RALYL: variants seen among roughly 807,000 people sequenced by gnomAD.
The protein encoded by RALYL is RNA-binding Raly-like protein.
In RALYL, 29 loss-of-function variants were observed where a neutral mutation model predicts 35.1. The ratio of observed to expected loss-of-function variants is 0.83; its 90% confidence interval spans 0.61 to 1.13. The LOEUF is 1.13. RALYL is among the 50% of genes most tolerant of loss of function. The pLI, the probability that RALYL is intolerant of heterozygous loss-of-function variation, is 0.00. For missense variants in RALYL, 359 were observed against 360.4 expected (o/e 1.00, Z 0.03); for synonymous variants, 120 against 127.6 (o/e 0.94, Z 0.40).
At chr8:84,290,309 C>T (rs6984895) in intron 1 of RALYL, among the ~76,000 whole-genome samples, 17,153 of 152,072 alleles carry the variant, frequency 0.11, 1,671 homozygotes, top group African/African-American at 0.26. Context: ...TTTTCATGCG[C>T]GTCTGTGTGA....
At chr8:84,877,014 CATGTATTTATATT>C (rs1433535277) in intron 7 of RALYL, among the ~76,000 whole-genome samples, 4 of 152,110 alleles carry the variant, frequency 2.6e-5, no homozygotes, top group African/African-American at 9.7e-5. Flanking sequence ...CCAGCCAGTT[CATGTATTTATATT>C]ATCTATTTGG....
intron 2 of RALYL, among the ~76,000 whole-genome samples, chr8:84,598,312 C>G (rs1385540770): frequency 2.0e-5 from 3 of 152,124 alleles, no homozygotes; most frequent in Non-Finnish European, 1.5e-5. Flanking sequence ...TGTGCACAAT[C>G]ATGCCCAGCT....
At chr8:84,865,906 A>G (rs1274598662) in intron 6 of RALYL, among the ~76,000 whole-genome samples, 1 of 152,220 alleles carries the variant, frequency 6.6e-6, no homozygotes, top group Non-Finnish European at 1.5e-5. Context: ...ATTCAATTAA[A>G]GTTAAAATTG....
chr8:84,447,762 C>T (rs2896433), intron 1 of RALYL, among the ~76,000 whole-genome samples: 53,665 of 151,822 alleles, frequency 0.35, 9,842 homozygotes, highest in South Asian at 0.53. Flanking sequence ...GACAAAGTAA[C>T]GTGGTACTTT....
intron 1 of RALYL, chr8:84,346,205 A>G (rs1849807988): frequency 3.0e-6 from 1 of 335,236 alleles, no homozygotes; most frequent in African/African-American, 2.2e-5. Flanking sequence ...TTTTAAATGT[A>G]TTTAAGCAAA....
At chr8:84,189,922 C>T (rs947632908) in intron 1 of RALYL, among the ~76,000 whole-genome samples, 1 of 152,170 alleles carries the variant, frequency 6.6e-6, no homozygotes, top group Non-Finnish European at 1.5e-5. Context: ...GTGACCATGT[C>T]ATCACACATC....
At position 84,424,581 on chromosome 8, in the gene RALYL, T is replaced by C. The variant is rs369967370; in HGVS notation, c.-23-104718T>C. Among the ~76,000 whole-genome samples, 7 of 151,484 alleles carry C rather than the reference T, an allele frequency of 4.6e-5. 1 individual carries two copies. Among genetic ancestry groups the C allele is most frequent in the South Asian group, 2.1e-4 (1 of 4,812 alleles). On this transcript the variant is annotated intron_variant, in intron 1 of 8. Transcript: ENST00000521268. ...AGTCATTCTCCATCCAGCTTTGTTC[T>C]GTTGCTGGTGAGGAACTGCGTTCCT...
intron 1 of RALYL, among the ~76,000 whole-genome samples, chr8:84,518,838 G>A (rs2058252462): frequency 6.6e-6 from 1 of 152,154 alleles, no homozygotes; most frequent in African/African-American, 2.4e-5. Context: ...GAGCTGTCAT[G>A]ATTGACAGTT....
intron 1 of RALYL, among the ~76,000 whole-genome samples, chr8:84,320,155 G>C (rs1252498270): frequency 6.6e-6 from 1 of 151,988 alleles, no homozygotes; most frequent in Non-Finnish European, 1.5e-5. Flanking sequence ...CAGAATAGTT[G>C]ATGTCAGATT....
intron 1 of RALYL, among the ~76,000 whole-genome samples, chr8:84,312,343 A>G (rs1842970746): frequency 6.6e-6 from 1 of 152,098 alleles, no homozygotes; most frequent in Non-Finnish European, 1.5e-5. Flanking sequence ...CTCCTCTCAA[A>G]TCTCATGTTC....
At chr8:84,653,132 C>T (rs994893188) in intron 2 of RALYL, among the ~76,000 whole-genome samples, 1 of 151,990 alleles carries the variant, frequency 6.6e-6, no homozygotes, top group African/African-American at 2.4e-5. Context: ...GAAATTTATG[C>T]ATGCTGTACA....
intron 2 of RALYL, among the ~76,000 whole-genome samples, chr8:84,656,394 A>C (rs1829963565): frequency 6.6e-6 from 1 of 152,152 alleles, no homozygotes; most frequent in African/African-American, 2.4e-5. Context: ...GACCAGACTC[A>C]CTTAAATTAA....
chr8:84,679,200 A>T (rs1188154239), intron 2 of RALYL: 1 of 195,430 alleles, frequency 5.1e-6, no homozygotes, highest in Non-Finnish European at 1.1e-5. Flanking sequence ...TGAGGCAGGG[A>T]TGAAATTTGA....
intron 3 of RALYL, among the ~76,000 whole-genome samples, chr8:84,781,513 G>A (rs929333352): frequency 6.6e-6 from 1 of 152,138 alleles, no homozygotes; most frequent in Non-Finnish European, 1.5e-5. Context: ...AGAGGTAGAG[G>A]GAGAACTTAA....
chr8:84,905,997 C>T (rs1846428304), intron 8 of RALYL, among the ~76,000 whole-genome samples: 1 of 152,052 alleles, frequency 6.6e-6, no homozygotes, highest in Non-Finnish European at 1.5e-5. Context: ...TTCTTAGAAA[C>T]ATCCAGCAAT....
intron 2 of RALYL, chr8:84,665,876 C>G (rs1193296254): frequency 6.6e-6 from 1 of 151,966 alleles, no homozygotes; most frequent in African/African-American, 2.4e-5. Flanking sequence ...AAACACAAGT[C>G]TTGACTAAGC....
chr8:84,380,778 A>T (rs1857829539), intron 1 of RALYL, among the ~76,000 whole-genome samples: 1 of 151,744 alleles, frequency 6.6e-6, no homozygotes, highest in Non-Finnish European at 1.5e-5. Flanking sequence ...CACCGAAAGG[A>T]TTTAAATTAG....
chr8:84,213,472 A>T (rs1265225108), intron 1 of RALYL, among the ~76,000 whole-genome samples: 1 of 152,198 alleles, frequency 6.6e-6, no homozygotes, highest in Non-Finnish European at 1.5e-5. Context: ...GCAAATAGTA[A>T]AAGTTTGTTT....
At chr8:84,319,577 A>T (rs1228150944) in intron 1 of RALYL, among the ~76,000 whole-genome samples, 2 of 152,108 alleles carry the variant, frequency 1.3e-5, no homozygotes, top group Non-Finnish European at 2.9e-5. Flanking sequence ...ACCAGATGAT[A>T]CGCTCAAAGA....
Sources: allele counts gnomAD v4.1 joint callset (sites outside exome capture counted in the v4.1 genomes callset), GRCh38; gene constraint gnomAD v4.1.1; transcripts MANE v1.5; gene names NCBI Gene and HGNC (gene_info 2026-07-23, HGNC 2026-07-21).